The following SHTN1 variants were observed in gnomAD, a reference collection of about 807,000 sequenced individuals.
SHTN1 encodes the protein shootin 1.
In SHTN1, 42 loss-of-function variants were observed where a neutral mutation model predicts 83.1. That is an observed-to-expected ratio of 0.51 (90% CI 0.39 to 0.65). SHTN1 has a LOEUF of 0.65. Among genes scored for constraint, SHTN1 ranks in the 30% least tolerant of loss-of-function variants. SHTN1 has a pLI of 0.00. For synonymous variants in SHTN1, 224 were observed against 247.7 expected (o/e 0.90, Z 0.90); for missense variants, 622 against 737.8 (o/e 0.84, Z 1.82).
chr10:117,055,766 G>T (rs958644541), intron 1 of SHTN1, among the ~76,000 whole-genome samples: 2 of 152,204 alleles, frequency 1.3e-5, no homozygotes, highest in African/African-American at 4.8e-5. Flanking sequence ...TACTCAGGAG[G>T]CTGACGCAGG....
intron 1 of SHTN1, among the ~76,000 whole-genome samples, chr10:116,991,164 C>T (rs538144827): frequency 1.3e-5 from 2 of 151,372 alleles, no homozygotes; most frequent in East Asian, 3.9e-4. Context: ...CCAGCCTGGG[C>T]GACAGAGCAA....
At chr10:117,035,279 C>A (rs1301440680) in intron 2 of SHTN1, among the ~76,000 whole-genome samples, 2 of 152,132 alleles carry the variant, frequency 1.3e-5, no homozygotes, top group African/African-American at 4.8e-5. Flanking sequence ...ACTGGATATC[C>A]ATATGCAGAA....
At chr10:117,001,316 G>A (rs1369158032) in intron 1 of SHTN1, among the ~76,000 whole-genome samples, 2 of 152,006 alleles carry the variant, frequency 1.3e-5, no homozygotes, top group Non-Finnish European at 2.9e-5. Flanking sequence ...CACTAGGAGG[G>A]AACATAAAAT....
intron 16 of SHTN1, among the ~76,000 whole-genome samples, chr10:116,898,847 C>G (rs1285159684): frequency 1.3e-5 from 2 of 152,122 alleles, no homozygotes; most frequent in East Asian, 3.9e-4. Context: ...AAAAGTGTTT[C>G]TTGCTTTCTT....
chr10:117,105,325 T>C (rs78403650), intron 1 of SHTN1, among the ~76,000 whole-genome samples: 3,189 of 152,346 alleles, frequency 0.021, 64 homozygotes, highest in Non-Finnish European at 0.03. Context: ...AAATGCTATA[T>C]AATAATTATA....
At chr10:116,976,171 C>T (rs1176900201) in intron 2 of SHTN1, among the ~76,000 whole-genome samples, 2 of 152,182 alleles carry the variant, frequency 1.3e-5, no homozygotes, top group African/African-American at 4.8e-5. Context: ...AGCAGACACA[C>T]TGCTGTGTAG....
At chr10:117,000,771 G>A (rs565078549) in intron 1 of SHTN1, among the ~76,000 whole-genome samples, 13 of 152,140 alleles carry the variant, frequency 8.5e-5, no homozygotes, top group Admixed American at 6.5e-4. Flanking sequence ...CTGCCCTCCC[G>A]TGGCCAAAGT....
intron 7 of SHTN1, among the ~76,000 whole-genome samples, chr10:116,948,643 TG>T (rs1466621383): frequency 6.6e-6 from 1 of 152,112 alleles, no homozygotes; most frequent in East Asian, 1.9e-4. Flanking sequence ...CCATGATCCC[TG>T]GATATATGTA....
rs184412709 is a variant in SHTN1, at chr10:116,945,079, T to C, written c.617-61A>G. The stretch of plus-strand genomic sequence containing the variant: ...TAAGTCACACAAATAATCAGGAATA[T>C]GGATGAAAAACAGTGTTGAAAAGAT... On this transcript the variant is annotated intron_variant, in intron 7 of 16. Coordinates refer to ENST00000355371, the MANE Select transcript of SHTN1 (RefSeq NM_001127211.3). The C allele has an allele frequency of 6.1e-4, 614 of 1,014,756 alleles. 3 individuals are homozygous for C. In the African/African-American group the frequency reaches 8.6e-3, roughly 14 times the overall value. 62.9% of individuals were successfully genotyped at this position (1,014,756 alleles called of 1,614,324 possible).
intron 1 of SHTN1, among the ~76,000 whole-genome samples, chr10:117,084,193 T>G (rs959241200): frequency 4.6e-5 from 7 of 152,140 alleles, no homozygotes; most frequent in African/African-American, 1.7e-4. Context: ...CTTTTGGTCT[T>G]TGATGATGGT....
intron 1 of SHTN1, among the ~76,000 whole-genome samples, chr10:117,084,554 G>T (rs1326520455): frequency 6.6e-6 from 1 of 152,230 alleles, no homozygotes; most frequent in Admixed American, 6.5e-5. Flanking sequence ...TTGAGCTGTG[G>T]TGGGCTCCAC....
At chr10:116,887,420 T>C (rs1428637619) in intron 16 of SHTN1, among the ~76,000 whole-genome samples, 1 of 152,074 alleles carries the variant, frequency 6.6e-6, no homozygotes, top group Non-Finnish European at 1.5e-5. Context: ...TTTCGGACTT[T>C]TCTGGTCTTT....
chr10:117,104,356 T>A (rs1853643822), intron 1 of SHTN1, among the ~76,000 whole-genome samples: 1 of 152,206 alleles, frequency 6.6e-6, no homozygotes, highest in Non-Finnish European at 1.5e-5. Flanking sequence ...ATTTTCTATT[T>A]TGTGTCATAG....
At chr10:116,891,210 A>G (rs147080727) in intron 16 of SHTN1, among the ~76,000 whole-genome samples, 7 of 152,388 alleles carry the variant, frequency 4.6e-5, no homozygotes, top group Admixed American at 4.6e-4. Context: ...GAGTTATTTT[A>G]TAAAATGCTA....
chr10:116,888,350 G>C (rs764158218), intron 16 of SHTN1, among the ~76,000 whole-genome samples: 6 of 152,164 alleles, frequency 3.9e-5, no homozygotes, highest in African/African-American at 7.2e-5. Flanking sequence ...CCTGTGATGG[G>C]AGAAGCAGAA....
chr10:117,015,921 A>G (rs1289959049), intron 2 of SHTN1, among the ~76,000 whole-genome samples: 3 of 152,156 alleles, frequency 2.0e-5, no homozygotes, highest in Admixed American at 2.0e-4. Context: ...GGATTCCTTT[A>G]TGCTTGAAAG....
intron 1 of SHTN1, among the ~76,000 whole-genome samples, chr10:117,080,941 C>A (rs1853251854): frequency 1.4e-5 from 2 of 147,790 alleles, no homozygotes; most frequent in African/African-American, 2.5e-5. Flanking sequence ...TGGGCTGAGA[C>A]AATGGGGTTT....
Position 117,117,908 on chromosome 10 carries a change from C to T in SHTN1, c.-189+8399G>A, listed in dbSNP as rs148547752. On this transcript the variant is annotated intron_variant, in intron 1 of 17. Transcript: ENST00000392901. Reference sequence around the variant, plus strand: ...AAATCAAATCAAAATAGATTAAAGACTTAAGTCTAAGACCTGAAACTATTA... The same window carrying T: ...AAATCAAATCAAAATAGATTAAAGATTTAAGTCTAAGACCTGAAACTATTA... Among the ~76,000 whole-genome samples the T allele has an allele frequency of 4.9e-3, 747 of 152,256 alleles. 9 individuals are homozygous for T. The highest frequency in any genetic ancestry group is 0.017 in the African/African-American group (709 of 41,542).
chr10:117,003,594 G>C (rs1851896163), intron 1 of SHTN1, among the ~76,000 whole-genome samples: 3 of 152,060 alleles, frequency 2.0e-5, no homozygotes, highest in South Asian at 4.2e-4. Flanking sequence ...CGCAACAACA[G>C]GTAAGAGTAC....
Sources: gnomAD v4.1 joint callset for allele counts (sites outside exome capture counted in the v4.1 genomes callset) on GRCh38, gnomAD v4.1.1 for gene constraint, MANE v1.5 for transcripts, NCBI Gene and HGNC (gene_info 2026-07-23, HGNC 2026-07-21) for gene names.